Variants in XIRP2 observed in about 807,000 individuals in gnomAD.
XIRP2 encodes the protein xin actin-binding repeat-containing protein 2.
A neutral mutation model predicts 277.0 loss-of-function variants in XIRP2; 236 were observed. The observed-to-expected ratio is 0.85, with a 90% confidence interval of 0.77 to 0.95. XIRP2 has a LOEUF of 0.95. Ranked by LOEUF, XIRP2 falls within the 40% of genes least tolerant of loss-of-function variation. The pLI is 0.00. For synonymous variants in XIRP2, 1,490 were observed against 1,416.5 expected (o/e 1.05, Z -1.17); for missense variants, 4,640 against 4,157.5 (o/e 1.12, Z -3.19).
chr2:167,124,674 G>A (rs1054767078), intron 2 of XIRP2: 1 of 152,216 alleles, frequency 6.6e-6, no homozygotes, highest in Non-Finnish European at 1.5e-5. Context: ...AGGTGTAAAT[G>A]CTAGAGGAGC....
At chr2:166,904,149 G>A (rs1684459212) in intron 2 of XIRP2, among the ~76,000 whole-genome samples, 1 of 152,090 alleles carries the variant, frequency 6.6e-6, no homozygotes, top group Non-Finnish European at 1.5e-5. Context: ...CTGTATGTAT[G>A]TGCCTTATTT....
chr2:166,900,621 T>C (rs1372212189), intron 1 of XIRP2, among the ~76,000 whole-genome samples: 2 of 152,082 alleles, frequency 1.3e-5, no homozygotes. Flanking sequence ...TTTGACTCCC[T>C]GAAGAAGGGT....
intron 9 of XIRP2, among the ~76,000 whole-genome samples, chr2:167,252,241 AT>A (rs1387674305): frequency 1.3e-5 from 2 of 152,062 alleles, no homozygotes; most frequent in African/African-American, 4.8e-5. Context: ...AGCAACAGGT[AT>A]AGCAATAATT....
chr2:167,072,129 A>G (rs1355848967), intron 2 of XIRP2, among the ~76,000 whole-genome samples: 10 of 152,158 alleles, frequency 6.6e-5, no homozygotes, highest in African/African-American at 2.4e-4. Flanking sequence ...ATGAAGTTAT[A>G]TGTATGTTTA....
chr2:167,003,801 C>T (rs1687432129), intron 2 of XIRP2, among the ~76,000 whole-genome samples: 1 of 151,854 alleles, frequency 6.6e-6, no homozygotes, highest in Admixed American at 6.6e-5. Flanking sequence ...GCTGATGCTG[C>T]AAATGAAAAT....
Position 167,021,394 on chromosome 2 carries a change from A to T in XIRP2, c.409-114515A>T, listed in dbSNP as rs578011579. On this transcript the variant is annotated intron_variant, in intron 2 of 10. Transcript: ENST00000409195. ...GTTGTTTCCTGATATGTCTGCTCCC[A>T]AAACAGTATATTATTTTAATTATAG... Among the ~76,000 whole-genome samples the T allele has an allele frequency of 1.2e-3, 177 of 152,270 alleles. 1 individual carries two copies. Among genetic ancestry groups the T allele is most frequent in the African/African-American group, 4.0e-3 (168 of 41,570 alleles).
At chr2:167,026,710 A>G (rs1049437805) in intron 2 of XIRP2, among the ~76,000 whole-genome samples, 13 of 152,146 alleles carry the variant, frequency 8.5e-5, no homozygotes, top group African/African-American at 2.2e-4. Flanking sequence ...TCCTTCACAT[A>G]TGAAGCTTAG....
chr2:167,146,854 A>C (rs1691877560), intron 3 of XIRP2, among the ~76,000 whole-genome samples: 1 of 152,158 alleles, frequency 6.6e-6, no homozygotes, highest in Admixed American at 6.5e-5. Context: ...AATTACAGGA[A>C]AAGAGAAATG....
At chr2:166,930,239 G>A (rs1244404830) in intron 2 of XIRP2, among the ~76,000 whole-genome samples, 2 of 152,208 alleles carry the variant, frequency 1.3e-5, no homozygotes, top group East Asian at 1.9e-4. Flanking sequence ...TGGGATAAAT[G>A]TCAGACGTCA....
intron 2 of XIRP2, among the ~76,000 whole-genome samples, chr2:167,012,093 C>G (rs909759009): frequency 1.3e-5 from 2 of 151,798 alleles, no homozygotes; most frequent in Admixed American, 1.3e-4. Context: ...TATTTCTTGC[C>G]TTCTGCTAGT....
At chr2:167,007,679 ACTCTCTCT>A (rs145843756) in intron 2 of XIRP2, among the ~76,000 whole-genome samples, 90 of 142,384 alleles carry the variant, frequency 6.3e-4, no homozygotes, top group African/African-American at 2.3e-3. Flanking sequence ...CCACATGTAC[ACTCTCTCT>A]CTCTCTCTCT....
At chr2:167,173,155 T>A (rs1692744635) in intron 3 of XIRP2, among the ~76,000 whole-genome samples, 1 of 152,218 alleles carries the variant, frequency 6.6e-6, no homozygotes. Flanking sequence ...ATTTTATTTT[T>A]AAATGTACAA....
chr2:166,931,493 A>G (rs1262132613), intron 2 of XIRP2, among the ~76,000 whole-genome samples: 1 of 152,180 alleles, frequency 6.6e-6, no homozygotes, highest in Non-Finnish European at 1.5e-5. Flanking sequence ...CACCACTTTT[A>G]AACTTTATTT....
In XIRP2 at chr2:167,245,619, T is replaced by C; in HGVS notation, c.4227T>C (p.Ser1409=). 1 of 1,613,680 alleles carries C rather than the reference T, an allele frequency of 6.2e-7. No individual in the cohort carries two copies. Among genetic ancestry groups the C allele is most frequent in the Non-Finnish European group, 8.5e-7 (1 of 1,179,734 alleles). ...ISEESHNIMP[S]IDHIQGGNVK... ...AAGAATCACATAATATTATGCCCAG[T>C]ATTGACCATATACAAGGTGGCAATG... Residue 1409 remains serine, a synonymous_variant, in exon 9 of 11, where the codon AGT becomes AGC. Transcript: ENST00000409195.
Position 167,198,972 on chromosome 2 carries a change from T to C in XIRP2, c.563-11763T>C, listed in dbSNP as rs74946610. 2.3e-3 allele frequency among the ~76,000 whole-genome samples: 345 copies of C among 152,312 alleles called. 12 individuals carry two copies. In the East Asian group the frequency reaches 0.056, roughly 25 times the overall value. ...ATCATTGAAAACAGTTTGTGTAAATTCAAGGATTGATTTTTCTAAGACAAA... is the reference window on the plus strand; with the variant it reads ...ATCATTGAAAACAGTTTGTGTAAATCCAAGGATTGATTTTTCTAAGACAAA... On this transcript the variant is annotated intron_variant, in intron 3 of 10. Transcript: ENST00000409195.
intron 2 of XIRP2, among the ~76,000 whole-genome samples, chr2:166,941,207 A>G (rs1685704181): frequency 6.6e-6 from 1 of 152,170 alleles, no homozygotes; most frequent in African/African-American, 2.4e-5. Flanking sequence ...CTGTGCGAGC[A>G]ATGAGTGAGG....
At chr2:167,102,609 T>A (rs971149483) in intron 2 of XIRP2, among the ~76,000 whole-genome samples, 4 of 152,200 alleles carry the variant, frequency 2.6e-5, no homozygotes, top group African/African-American at 9.6e-5. Flanking sequence ...AAATGGTAAC[T>A]ATACCATTGT....
At chr2:167,107,731 A>G (rs937183218) in intron 2 of XIRP2, among the ~76,000 whole-genome samples, 1 of 151,686 alleles carries the variant, frequency 6.6e-6, no homozygotes, top group Non-Finnish European at 1.5e-5. Context: ...TTTGGTATCA[A>G]TGGAATACTA....
intron 2 of XIRP2, among the ~76,000 whole-genome samples, chr2:167,126,395 G>A (rs1053179937): frequency 3.3e-5 from 5 of 152,218 alleles, no homozygotes; most frequent in Admixed American, 2.0e-4. Flanking sequence ...AAGTTCCCAC[G>A]AGATGAATGT....
Sources: gnomAD v4.1 joint callset for allele counts (sites outside exome capture counted in the v4.1 genomes callset) on GRCh38, gnomAD v4.1.1 for gene constraint, MANE v1.5 for transcripts, NCBI Gene and HGNC (gene_info 2026-07-23, HGNC 2026-07-21) for gene names.